Variants in RNF122 observed in about 807,000 individuals in gnomAD.
RNF122 encodes ring finger protein 122.
RNF122 carries 17 observed loss-of-function variants against 24.2 expected under a neutral mutation model. That is an observed-to-expected ratio of 0.70 (90% CI 0.48 to 1.06). The LOEUF is 1.06. RNF122 is among the 50% of genes least tolerant of loss of function. RNF122 has a pLI of 0.00. For missense variants in RNF122, 168 were observed against 198.1 expected (o/e 0.85, Z 0.91); for synonymous variants, 65 against 71.8 (o/e 0.91, Z 0.48).
chr8:33,553,839 C>T (rs1313993095), intron 2 of RNF122, among the ~76,000 whole-genome samples: 2 of 152,208 alleles, frequency 1.3e-5, no homozygotes, highest in Non-Finnish European at 2.9e-5. Context: ...TGGCGAGGTT[C>T]ATGTTCCTGG....
chr8:33,566,833 G>A lies in RNF122; in HGVS notation c.-110C>T. The A allele has an allele frequency of 2.4e-6, 3 of 1,269,560 alleles. No homozygotes were observed. The highest frequency in any genetic ancestry group is 3.4e-6 in the Non-Finnish European group (3 of 893,944). 78.6% of individuals were successfully genotyped at this position (1,269,560 alleles called of 1,614,324 possible). ...GGGCCGCAGGCGGGGTCGGGGCAGC[G>A]CGCTGCAGCCGCCCTGCTGGAGAAG... On this transcript the variant is annotated 5_prime_UTR_variant, in exon 1 of 6. Transcript: ENST00000256257.
Position 33,548,697 on chromosome 8 carries a change from G to T in RNF122, c.*56C>A. 3 of 1,074,702 alleles carry T rather than the reference G, an allele frequency of 2.8e-6. No homozygotes were observed. The highest frequency in any genetic ancestry group is 2.5e-5 in the South Asian group (2 of 80,008). The allele number at this position is 1,074,702 out of a possible 1,614,324, so 66.6% of individuals were successfully genotyped here. On this transcript the variant is annotated 3_prime_UTR_variant, in exon 6 of 6. Coordinates refer to ENST00000256257, the MANE Select transcript of RNF122 (RefSeq NM_024787.3). ...CCTGTTGGTTGGAGCTGTGCAGAGG[G>T]ACCAGACATCCATGAGGCAAGAGGT...
At chr8:33,565,701 G>C (rs1000864411) in intron 1 of RNF122, among the ~76,000 whole-genome samples, 1 of 152,238 alleles carries the variant, frequency 6.6e-6, no homozygotes. Context: ...AATGGGGCGA[G>C]GGGTTGTCGC....
rs113221170 is a variant in RNF122, at chr8:33,554,905, C to A, written c.183-3516G>T. 6.9e-3 allele frequency among the ~76,000 whole-genome samples: 1,049 copies of A among 152,318 alleles called. 23 individuals are homozygous for A. The highest frequency in any genetic ancestry group is 0.024 in the African/African-American group (998 of 41,576). ...GGCTGGCCTTGGCCGCTGAGCTCAC[C>A]AGGTCAGAAGTGGGGCCTATTTTGG... On this transcript the variant is annotated intron_variant, in intron 2 of 5. Coordinates refer to ENST00000256257, the MANE Select transcript of RNF122 (RefSeq NM_024787.3).
chr8:33,557,687 C>T (rs1440782755), intron 2 of RNF122, among the ~76,000 whole-genome samples: 1 of 151,910 alleles, frequency 6.6e-6, no homozygotes, highest in Non-Finnish European at 1.5e-5. Context: ...GTCCCCATGT[C>T]CTTCAACAAG....
intron 1 of RNF122, among the ~76,000 whole-genome samples, chr8:33,566,379 CAG>C (rs1479578367): frequency 1.3e-5 from 2 of 152,244 alleles, no homozygotes; most frequent in Non-Finnish European, 1.5e-5. Flanking sequence ...CAACAAAGAA[CAG>C]AGTTTGAGCG....
chr8:33,556,550 T>C (rs1023577479), intron 2 of RNF122, among the ~76,000 whole-genome samples: 5 of 152,032 alleles, frequency 3.3e-5, no homozygotes, highest in Non-Finnish European at 7.4e-5. Context: ...CATAAAGAAA[T>C]CTTTGGTATT....
At chr8:33,549,823 T>G (rs7812958) in intron 4 of RNF122, among the ~76,000 whole-genome samples, 96,951 of 152,018 alleles carry the variant, frequency 0.64, 31,786 homozygotes, top group African/African-American at 0.8. Flanking sequence ...GCACTGGAAA[T>G]TACTGTCCTA....
At chr8:33,560,885 C>CGT (rs1217879671) in intron 1 of RNF122, among the ~76,000 whole-genome samples, 1 of 151,928 alleles carries the variant, frequency 6.6e-6, no homozygotes, top group Non-Finnish European at 1.5e-5. Context: ...GAGCTGACAT[C>CGT]GTGCCACTGT....
intron 4 of RNF122, among the ~76,000 whole-genome samples, chr8:33,549,878 G>GCC (rs1280919557): frequency 6.6e-6 from 1 of 151,350 alleles, no homozygotes; most frequent in African/African-American, 2.4e-5. Context: ...ATTTGGTGAT[G>GCC]TGGCACTTAA....
intron 4 of RNF122, among the ~76,000 whole-genome samples, chr8:33,549,756 T>TGC: frequency 6.6e-6 from 1 of 152,278 alleles, no homozygotes; most frequent in South Asian, 2.1e-4. Flanking sequence ...AGCCACATGG[T>TGC]TTCCATATTG....
rs1430880296 is a variant in RNF122, at chr8:33,548,126, G to A, written c.*627C>T. 6.6e-6 allele frequency: 1 copy of A among 152,564 alleles called. No individual in the cohort carries two copies. The highest frequency in any genetic ancestry group is 1.5e-5 in the Non-Finnish European group (1 of 68,058). 9.5% of individuals were successfully genotyped at this position (152,564 alleles called of 1,614,324 possible). The stretch of plus-strand genomic sequence containing the variant: ...GAAGAGACTGAATGGATAGCACCGT[G>A]GGTCCTGGCAGGGGAAGGGCCCTCT... On this transcript the variant is annotated 3_prime_UTR_variant, in exon 6 of 6. Coordinates refer to ENST00000256257, the MANE Select transcript of RNF122 (RefSeq NM_024787.3).
At chr8:33,563,727 C>T (rs548087662) in intron 1 of RNF122, among the ~76,000 whole-genome samples, 1 of 152,152 alleles carries the variant, frequency 6.6e-6, no homozygotes, top group Admixed American at 6.5e-5. Context: ...GTTTTCTCAC[C>T]TCCTTCCCCC....
intron 1 of RNF122, among the ~76,000 whole-genome samples, chr8:33,561,947 T>G (rs552092041): frequency 6.6e-6 from 1 of 152,122 alleles, no homozygotes; most frequent in Non-Finnish European, 1.5e-5. Context: ...TACTTAAAAG[T>G]TCTCCAATAC....
chr8:33,558,912 T>C (rs999021589), intron 1 of RNF122, 141 bp from the exon 2 acceptor site: 10 of 533,134 alleles, frequency 1.9e-5, no homozygotes, highest in Non-Finnish European at 1.3e-5. Flanking sequence ...TATATCCTAG[T>C]TCTAACATTT....
At chr8:33,559,550 T>G (rs1333021310) in intron 1 of RNF122, among the ~76,000 whole-genome samples, 1 of 152,088 alleles carries the variant, frequency 6.6e-6, no homozygotes, top group Non-Finnish European at 1.5e-5. Context: ...GCTTTGTAAA[T>G]TGCAAAGGAC....
intron 2 of RNF122, among the ~76,000 whole-genome samples, chr8:33,552,837 T>C (rs147041328): frequency 0.015 from 2,356 of 152,070 alleles, 31 homozygotes; most frequent in African/African-American, 0.034. Flanking sequence ...GGTGGGCAGA[T>C]TGCTTGAGCT....
chr8:33,556,747 A>G (rs550518862), intron 2 of RNF122, among the ~76,000 whole-genome samples: 2 of 152,312 alleles, frequency 1.3e-5, no homozygotes, highest in African/African-American at 4.8e-5. Flanking sequence ...GTTAGATGCA[A>G]TCTTCAGACC....
At chr8:33,553,105 T>C (rs1810401272) in intron 2 of RNF122, among the ~76,000 whole-genome samples, 1 of 146,920 alleles carries the variant, frequency 6.8e-6, no homozygotes, top group Non-Finnish European at 1.5e-5. Context: ...GCCTCCTCTA[T>C]GTGTGCTATG....
Sources: allele counts gnomAD v4.1 joint callset (sites outside exome capture counted in the v4.1 genomes callset), GRCh38; gene constraint gnomAD v4.1.1; transcripts MANE v1.5; gene names NCBI Gene and HGNC (gene_info 2026-07-23, HGNC 2026-07-21).